CNNM2: variants seen among roughly 807,000 people sequenced by gnomAD.
The protein encoded by CNNM2 is metal transporter CNNM2.
In CNNM2, 12 loss-of-function variants were observed where a neutral mutation model predicts 66.9. The ratio of observed to expected loss-of-function variants is 0.18; its 90% CI spans 0.11 to 0.29. The LOEUF is 0.29. Ranked by LOEUF, CNNM2 falls within the 10% of genes least tolerant of loss-of-function variation. The pLI, the probability that CNNM2 is intolerant of heterozygous loss-of-function variation, is 1.00. For missense variants in CNNM2, 705 were observed against 1,167.7 expected, an observed-to-expected ratio of 0.60 and a Z score of 5.77; for synonymous variants, 557 against 501.8, an observed-to-expected ratio of 1.11 and a Z score of -1.47.
chr10:103,068,217 T>A (rs1305453871), intron 4 of CNNM2, among the ~76,000 whole-genome samples: 1 of 152,122 alleles, frequency 6.6e-6, no homozygotes, highest in Non-Finnish European at 1.5e-5. Context: ...AAAGTAAACA[T>A]CACAGGCCAG....
chr10:102,994,901 C>A (rs971108959), intron 1 of CNNM2, among the ~76,000 whole-genome samples: 3 of 152,186 alleles, frequency 2.0e-5, no homozygotes, highest in African/African-American at 4.8e-5. Context: ...GGAGCCCTAG[C>A]TGGAAGAGGC....
chr10:103,028,822 T>C (rs908208609), intron 1 of CNNM2, among the ~76,000 whole-genome samples: 16 of 123,270 alleles, frequency 1.3e-4, no homozygotes, highest in African/African-American at 4.5e-4. Flanking sequence ...TTCTTTTTTT[T>C]TTTTTCTTTT....
At position 103,090,157 on chromosome 10, in the gene CNNM2, C is replaced by T; in HGVS notation, c.*12977C>T. The T allele has an allele frequency of 2.3e-6, 1 of 425,890 alleles. No individual in the cohort carries two copies. The highest frequency in any genetic ancestry group is 4.1e-6 in the Non-Finnish European group (1 of 241,358). 26.4% of individuals were successfully genotyped at this position (425,890 alleles called of 1,614,324 possible). A position where few individuals can be genotyped will look rare whatever the true frequency, so the allele number is the denominator to read the frequency against. ...TGGAAAAGATGGAGAGGGGAGTTTA[C>T]TTTCTATTTTACAGCAAAAACAAGA... On this transcript the variant is annotated 3_prime_UTR_variant, in exon 8 of 8. Coordinates refer to ENST00000369878, the MANE Select transcript of CNNM2 (RefSeq NM_017649.5).
intron 1 of CNNM2, among the ~76,000 whole-genome samples, chr10:103,015,778 G>A (rs1400228931): frequency 1.3e-5 from 2 of 152,014 alleles, no homozygotes; most frequent in African/African-American, 2.4e-5. Flanking sequence ...GCTTGAACCC[G>A]GGAGGTAGAA....
At chr10:102,990,753 C>T (rs2063884558) in intron 1 of CNNM2, among the ~76,000 whole-genome samples, 1 of 152,156 alleles carries the variant, frequency 6.6e-6, no homozygotes, top group Admixed American at 6.5e-5. Context: ...TCCACTCTTG[C>T]ATTTTGTTCT....
chr10:103,014,585 T>C (rs2064405650), intron 1 of CNNM2, among the ~76,000 whole-genome samples: 1 of 152,210 alleles, frequency 6.6e-6, no homozygotes, highest in African/African-American at 2.4e-5. Context: ...TTATGATTTT[T>C]AAAAGCCCAC....
At chr10:102,993,025 T>TA (rs1337383147) in intron 1 of CNNM2, among the ~76,000 whole-genome samples, 1 of 152,224 alleles carries the variant, frequency 6.6e-6, no homozygotes, top group Non-Finnish European at 1.5e-5. Flanking sequence ...GAATATGTCA[T>TA]ACATATCTGT....
intron 1 of CNNM2, among the ~76,000 whole-genome samples, chr10:102,941,774 T>TA (rs1846443784): frequency 6.6e-6 from 1 of 152,214 alleles, no homozygotes; most frequent in African/African-American, 2.4e-5. Context: ...TACTATATCT[T>TA]ATTCATCTTT....
chr10:103,059,591 A>G (rs2065350488), intron 4 of CNNM2, among the ~76,000 whole-genome samples: 1 of 152,228 alleles, frequency 6.6e-6, no homozygotes, highest in Non-Finnish European at 1.5e-5. Flanking sequence ...ACCAAAATGC[A>G]TTTCAGAAGC....
In CNNM2 at chr10:103,022,885, AAGG is replaced by A. The variant is rs753568767; in HGVS notation, c.1622-26816_1622-26814del. Among the ~76,000 whole-genome samples the A allele has an allele frequency of 1.3e-4, 20 of 151,636 alleles. No homozygotes were observed. The East Asian group carries it at 1.4e-3, about 10-fold the overall frequency. On this transcript the variant is annotated intron_variant, in intron 1 of 7. Coordinates refer to ENST00000369878, the MANE Select transcript of CNNM2 (RefSeq NM_017649.5). Reference sequence around the variant, plus strand: ...ACATGGCAAGAGAGAGAGCAAGAGAAAGGAGGAGAAGGTTCAGACTCTTTATTT... The same window carrying A: ...ACATGGCAAGAGAGAGAGCAAGAGAAAGGAGAAGGTTCAGACTCTTTATTT...
chr10:103,023,456 G>C (rs914793984), intron 1 of CNNM2, among the ~76,000 whole-genome samples: 6 of 152,156 alleles, frequency 3.9e-5, no homozygotes, highest in African/African-American at 1.4e-4. Flanking sequence ...GCTGAGGCAG[G>C]AGAATCGCTT....
At chr10:102,962,758 A>G (rs184986937) in intron 1 of CNNM2, among the ~76,000 whole-genome samples, 2 of 151,166 alleles carry the variant, frequency 1.3e-5, no homozygotes, top group Non-Finnish European at 1.5e-5. Flanking sequence ...TTTACCATCA[A>G]TATCTTTGCA....
chr10:102,993,787 T>C (rs2063938152), intron 1 of CNNM2, among the ~76,000 whole-genome samples: 1 of 151,152 alleles, frequency 6.6e-6, no homozygotes, highest in African/African-American at 2.4e-5. Flanking sequence ...TTTCAGGGTA[T>C]ACTTTTCCTT....
At chr10:102,930,251 A>G (rs1334329182) in intron 1 of CNNM2, among the ~76,000 whole-genome samples, 8 of 152,238 alleles carry the variant, frequency 5.3e-5, no homozygotes, top group African/African-American at 1.7e-4. Context: ...ATTTGCACTG[A>G]TTATTTGCAC....
intron 1 of CNNM2, among the ~76,000 whole-genome samples, chr10:102,978,285 T>C (rs2063669087): frequency 6.6e-6 from 1 of 151,888 alleles, no homozygotes; most frequent in Non-Finnish European, 1.5e-5. Context: ...ATTTTTTTTT[T>C]CCTCTTCTCC....
At position 102,976,979 on chromosome 10, in the gene CNNM2, T is replaced by TATTAACA. The variant is rs1293192689; in HGVS notation, c.1621+56879_1621+56885dup. Among the ~76,000 whole-genome samples the TATTAACA allele has an allele frequency of 2.0e-5, 3 of 152,222 alleles. No individual in the cohort carries two copies. The East Asian group carries it at 5.8e-4, about 29-fold the overall frequency. ...TGCTGTTAACATCATGCAGCTTGAC[T>TATTAACA]ATTAACACTTTACCTTTATGTGCTG... is the stretch of plus-strand genomic sequence containing the variant. On this transcript the variant is annotated intron_variant, in intron 1 of 7. Coordinates refer to ENST00000369878, the MANE Select transcript of CNNM2 (RefSeq NM_017649.5).
chr10:103,072,405 A>G (rs2065600485), intron 6 of CNNM2, among the ~76,000 whole-genome samples: 1 of 152,126 alleles, frequency 6.6e-6, no homozygotes. Context: ...TCCGCCAGGC[A>G]GGCGGCCCTA....
chr10:102,957,189 C>T (rs1406693086), intron 1 of CNNM2, among the ~76,000 whole-genome samples: 1 of 152,150 alleles, frequency 6.6e-6, no homozygotes, highest in Non-Finnish European at 1.5e-5. Flanking sequence ...CCTGTAATCC[C>T]AGCTACTTGG....
chr10:103,076,198 C>T lies in CNNM2; in HGVS notation c.2346C>T (p.Leu782=), dbSNP rs2065687637. ...CACTGGGGAGCAGCAATAACCAGCT[C>T]AATTCTTCGCTCCTCCAAGTCTACA... is the stretch of plus-strand genomic sequence containing the variant. ...TPTLGSSNNQ[L]NSSLLQVYIP... The change falls in exon 7 of 8, where the codon CTC becomes CTT. Residue 782 remains leucine, a synonymous_variant. Transcript: ENST00000369878. 2 of 1,593,484 alleles carry T rather than the reference C, an allele frequency of 1.3e-6. No individual in the cohort carries two copies. The highest frequency in any genetic ancestry group is 1.7e-6 in the Non-Finnish European group (2 of 1,169,940).
Sources: gnomAD v4.1 joint callset for allele counts (sites outside exome capture counted in the v4.1 genomes callset) on GRCh38, gnomAD v4.1.1 for gene constraint, MANE v1.5 for transcripts, NCBI Gene and HGNC (gene_info 2026-07-23, HGNC 2026-07-21) for gene names.